The following TMEM45A variants were observed in gnomAD, a reference collection of about 807,000 sequenced individuals.
TMEM45A encodes the protein transmembrane protein 45A.
TMEM45A carries 25 observed loss-of-function variants against 32.0 expected under a neutral mutation model. That is an observed-to-expected ratio of 0.78 (90% CI 0.57 to 1.09). The LOEUF is 1.09. Among genes scored for constraint, TMEM45A ranks in the 50% least tolerant of loss-of-function variants. TMEM45A has a pLI of 0.00. For missense variants in TMEM45A, 302 were observed against 325.0 expected (o/e 0.93, Z 0.54); for synonymous variants, 122 against 114.8 (o/e 1.06, Z -0.40).
At chr3:100,535,245 C>T (rs1559643249) in intron 1 of TMEM45A, among the ~76,000 whole-genome samples, 5 of 152,054 alleles carry the variant, frequency 3.3e-5, no homozygotes, top group African/African-American at 4.8e-5. Context: ...CTCAGCCTTC[C>T]GAGTAGCTGG....
intron 1 of TMEM45A, among the ~76,000 whole-genome samples, chr3:100,510,902 G>A (rs2148936025): frequency 6.6e-6 from 1 of 152,290 alleles, no homozygotes; most frequent in African/African-American, 2.4e-5. Context: ...ATGAAATGAA[G>A]TGAGAAGGGA....
In TMEM45A at chr3:100,570,962, GT is replaced by G. The variant is rs1463028096; in HGVS notation, c.734+2000del. 2.6e-5 allele frequency: 4 copies of G among 151,292 alleles called. No homozygotes were observed. The South Asian group carries it at 6.3e-4, about 24-fold the overall frequency. 9.4% of individuals were successfully genotyped at this position (151,292 alleles called of 1,614,324 possible). ...AGCTCTTGCTCATCTCCCTTTAAGA[GT>G]TTTTGTTTTTTTTTTCAAATACACC... On this transcript the variant is annotated intron_variant, in intron 5 of 5. Coordinates refer to ENST00000323523, the MANE Select transcript of TMEM45A (RefSeq NM_018004.3).
intron 1 of TMEM45A, among the ~76,000 whole-genome samples, chr3:100,539,716 T>C (rs1446768046): frequency 2.0e-5 from 3 of 152,098 alleles, no homozygotes; most frequent in Non-Finnish European, 2.9e-5. Context: ...TCTACCTTTT[T>C]GTTCTATTCA....
chr3:100,502,211 C>CT (rs199727846), intron 1 of TMEM45A, among the ~76,000 whole-genome samples: 8,218 of 145,796 alleles, frequency 0.056, 502 homozygotes, highest in East Asian at 0.36. Flanking sequence ...AGGTATGGAT[C>CT]TTTTTTTTTT....
At chr3:100,557,045 A>G (rs1299790134) in intron 3 of TMEM45A, 73 bp downstream of exon 3, 4 of 1,463,678 alleles carry the variant, frequency 2.7e-6, no homozygotes, top group Middle Eastern at 4.3e-4. Context: ...ATATTAATAT[A>G]CCTCTGGCAT....
intron 1 of TMEM45A, among the ~76,000 whole-genome samples, chr3:100,540,599 C>T (rs58789183): frequency 0.15 from 22,156 of 152,122 alleles, 1,890 homozygotes; most frequent in East Asian, 0.31. Context: ...CGGAATGCAA[C>T]ATGGTACAGC....
chr3:100,551,237 T>A (rs1706095138), intron 1 of TMEM45A, among the ~76,000 whole-genome samples: 1 of 152,190 alleles, frequency 6.6e-6, no homozygotes, highest in Non-Finnish European at 1.5e-5. Context: ...ATGGTCTCGA[T>A]CTCCTGACCT....
intron 5 of TMEM45A, 147 bp from the exon 6 acceptor site, chr3:100,576,778 C>T: frequency 1.5e-6 from 1 of 681,702 alleles, no homozygotes; most frequent in Non-Finnish European, 2.5e-6. Flanking sequence ...TCAGGCAGCT[C>T]CAAAGCCAAA....
intron 1 of TMEM45A, among the ~76,000 whole-genome samples, chr3:100,501,461 T>G (rs1290563854): frequency 2.6e-5 from 4 of 152,282 alleles, no homozygotes; most frequent in Admixed American, 1.3e-4. Context: ...CCCTCACAGG[T>G]GAGCTGGTGT....
At chr3:100,511,010 A>C (rs1459041286) in intron 1 of TMEM45A, among the ~76,000 whole-genome samples, 8 of 152,238 alleles carry the variant, frequency 5.3e-5, no homozygotes, top group Non-Finnish European at 1.0e-4. Context: ...GTGTACCTGA[A>C]AGTGACAGGG....
intron 1 of TMEM45A, among the ~76,000 whole-genome samples, chr3:100,531,656 G>A (rs989219240): frequency 6.6e-6 from 1 of 152,112 alleles, no homozygotes; most frequent in Non-Finnish European, 1.5e-5. Context: ...TTAAGGAAGA[G>A]AGAAGATGGG....
At chr3:100,537,947 G>T (rs1216028771) in intron 1 of TMEM45A, among the ~76,000 whole-genome samples, 1 of 152,222 alleles carries the variant, frequency 6.6e-6, no homozygotes, top group Non-Finnish European at 1.5e-5. Context: ...TGGGTTGGGA[G>T]CCAGTAGAGT....
chr3:100,533,198 T>C (rs1457956492), intron 1 of TMEM45A, among the ~76,000 whole-genome samples: 1 of 151,884 alleles, frequency 6.6e-6, no homozygotes, highest in Non-Finnish European at 1.5e-5. Context: ...AGGGGACCCA[T>C]GGTTTCAATT....
At chr3:100,505,479 G>A in intron 1 of TMEM45A, among the ~76,000 whole-genome samples, 1 of 152,170 alleles carries the variant, frequency 6.6e-6, no homozygotes, top group East Asian at 1.9e-4. Context: ...TTAGTGGCAG[G>A]AAATTTATGT....
At chr3:100,495,483 T>A (rs963855818) in intron 1 of TMEM45A, among the ~76,000 whole-genome samples, 1 of 151,932 alleles carries the variant, frequency 6.6e-6, no homozygotes, top group Non-Finnish European at 1.5e-5. Context: ...TGGAGGAAAG[T>A]TTGGAAAGGT....
intron 1 of TMEM45A, among the ~76,000 whole-genome samples, chr3:100,543,125 C>A (rs755204326): frequency 2.0e-5 from 3 of 152,126 alleles, no homozygotes; most frequent in Non-Finnish European, 4.4e-5. Context: ...TCTCACTGAA[C>A]CTAATGGTTT....
intron 1 of TMEM45A, among the ~76,000 whole-genome samples, chr3:100,540,737 C>G (rs1235448447): frequency 6.6e-6 from 1 of 152,160 alleles, no homozygotes; most frequent in Admixed American, 6.5e-5. Flanking sequence ...CATACAAAAA[C>G]CTGCACATAA....
chr3:100,530,097 C>T (rs976054613), intron 1 of TMEM45A, among the ~76,000 whole-genome samples: 4 of 152,134 alleles, frequency 2.6e-5, no homozygotes, highest in Non-Finnish European at 4.4e-5. Flanking sequence ...CTGATTACCC[C>T]GTTTCAACAA....
At chr3:100,513,360 A>C (rs1355969299) in intron 1 of TMEM45A, among the ~76,000 whole-genome samples, 1 of 151,994 alleles carries the variant, frequency 6.6e-6, no homozygotes, top group South Asian at 2.1e-4. Flanking sequence ...TATAAACAGA[A>C]CCAAAGACAA....
Sources: gnomAD v4.1 joint callset for allele counts (sites outside exome capture counted in the v4.1 genomes callset) on GRCh38, gnomAD v4.1.1 for gene constraint, MANE v1.5 for transcripts, NCBI Gene and HGNC (gene_info 2026-07-23, HGNC 2026-07-21) for gene names.